Variants in MEF2A observed in about 807,000 individuals in gnomAD.
MEF2A encodes myocyte-specific enhancer factor 2A.
A neutral mutation model predicts 55.8 loss-of-function variants in MEF2A; 28 were observed. That is an observed-to-expected ratio of 0.50 (90% CI 0.37 to 0.69). MEF2A has a LOEUF of 0.69. MEF2A is among the 30% of genes least tolerant of loss of function. The pLI is 0.00. For synonymous variants in MEF2A, 239 were observed against 227.1 expected, an observed-to-expected ratio of 1.05 and a Z score of -0.47; for missense variants, 528 against 626.2, an observed-to-expected ratio of 0.84 and a Z score of 1.67.
chr15:99,645,563 C>A lies in MEF2A; in HGVS notation c.57C>A (p.Val19=). The A allele has an allele frequency of 6.2e-7, 1 of 1,609,002 alleles. No homozygotes were observed. The highest frequency in any genetic ancestry group is 8.5e-7 in the Non-Finnish European group (1 of 1,176,872). Residue 19 remains valine, a splice_region_variant and synonymous_variant, in exon 4 of 12, where the codon GTC becomes GTA. Transcript: ENST00000557942. ...TRIMDERNRQ[V]TFTKRKFGLM... ...AATATACCTTTTTTATTGTTTAGGT[C>A]ACTTTTACAAAGAGAAAGTTTGGAT... is the stretch of plus-strand genomic sequence containing the variant.
intron 1 of MEF2A, among the ~76,000 whole-genome samples, chr15:99,588,181 G>C (rs560594440): frequency 1.3e-5 from 2 of 151,762 alleles, no homozygotes; most frequent in African/African-American, 4.8e-5. Context: ...CAGTGGCACC[G>C]TCATGGCTCA....
chr15:99,705,634 C>G (rs560694466), intron 9 of MEF2A, among the ~76,000 whole-genome samples: 5 of 152,198 alleles, frequency 3.3e-5, no homozygotes, highest in Non-Finnish European at 7.3e-5. Flanking sequence ...AAACTGAGAT[C>G]AGGATCCTCA....
intron 8 of MEF2A, 137 bp from the exon 9 acceptor site, chr15:99,703,225 C>A: frequency 1.5e-6 from 1 of 677,652 alleles, no homozygotes; most frequent in Non-Finnish European, 2.6e-6. Flanking sequence ...ATATTTCTAT[C>A]TGTTGTGTAT....
intron 8 of MEF2A, among the ~76,000 whole-genome samples, chr15:99,693,533 A>C (rs1222619269): frequency 6.6e-6 from 1 of 152,236 alleles, no homozygotes; most frequent in Non-Finnish European, 1.5e-5. Context: ...AACAAAGATA[A>C]GGATTAGTAA....
At chr15:99,608,064 A>T (rs1975796606) in intron 2 of MEF2A, among the ~76,000 whole-genome samples, 1 of 152,256 alleles carries the variant, frequency 6.6e-6, no homozygotes, top group South Asian at 2.1e-4. Context: ...TAGACTGGTC[A>T]TCCAGATAAA....
intron 8 of MEF2A, 29 bp from the exon 9 acceptor site, chr15:99,703,333 C>G: frequency 6.2e-7 from 1 of 1,612,012 alleles, no homozygotes; most frequent in Non-Finnish European, 8.5e-7. Context: ...CTTAGTAACT[C>G]TCTTATCCCT....
intron 2 of MEF2A, among the ~76,000 whole-genome samples, chr15:99,623,970 C>A (rs549321261): frequency 6.6e-6 from 1 of 152,048 alleles, no homozygotes; most frequent in East Asian, 1.9e-4. Flanking sequence ...ACCAACCCGG[C>A]TAATTTTTTG....
intron 2 of MEF2A, among the ~76,000 whole-genome samples, chr15:99,625,527 G>A (rs1378653180): frequency 6.6e-6 from 1 of 152,120 alleles, no homozygotes; most frequent in African/African-American, 2.4e-5. Flanking sequence ...TAGAAGTGGT[G>A]AAAGTGGTCA....
chr15:99,690,792 G>C (rs1019252358), intron 8 of MEF2A: 1 of 393,488 alleles, frequency 2.5e-6, no homozygotes, highest in East Asian at 7.0e-5. Context: ...AGCAGAGGCT[G>C]GGAAGGGTGT....
chr15:99,601,837 G>T (rs1187137529), intron 2 of MEF2A, among the ~76,000 whole-genome samples: 7 of 128,428 alleles, frequency 5.5e-5, no homozygotes, highest in African/African-American at 1.8e-4. Flanking sequence ...GTGTGTGTGT[G>T]TGTGTGTGTG....
In MEF2A at chr15:99,712,328, A is replaced by G; in HGVS notation, c.1137-62A>G. The G allele has an allele frequency of 2.7e-6, 4 of 1,474,310 alleles. No homozygotes were observed. Among genetic ancestry groups the G allele is most frequent in the Non-Finnish European group, 3.6e-6 (4 of 1,109,822 alleles). The allele number at this position is 1,474,310 out of a possible 1,614,324, so 91.3% of individuals were successfully genotyped here. On this transcript the variant is annotated intron_variant, in intron 11 of 11. Coordinates refer to ENST00000557942, the MANE Select transcript of MEF2A (RefSeq NM_001319206.4). This position sits in a 1 kb window ranked among gnomAD's most constrained non-coding sequence, Gnocchi z 4.1. ...TTCCATCAGGCAGTGTCTCTACTGT[A>G]TCATCCCAGTTTTGCAGAGGTACTT...
intron 2 of MEF2A, among the ~76,000 whole-genome samples, chr15:99,601,435 G>A (rs1287103548): frequency 6.6e-6 from 1 of 150,944 alleles, no homozygotes; most frequent in African/African-American, 2.4e-5. Context: ...AATAGAAGTG[G>A]TGAGAACTAA....
At chr15:99,618,267 A>G (rs934079677) in intron 2 of MEF2A, among the ~76,000 whole-genome samples, 20 of 152,182 alleles carry the variant, frequency 1.3e-4, no homozygotes, top group African/African-American at 4.6e-4. Flanking sequence ...ACAATCCTAA[A>G]CTGAGGAATA....
intron 1 of MEF2A, among the ~76,000 whole-genome samples, chr15:99,589,741 T>C (rs1483288953): frequency 6.6e-6 from 1 of 152,130 alleles, no homozygotes; most frequent in Non-Finnish European, 1.5e-5. Context: ...ATTTGATCCA[T>C]GAGTTATTTA....
At chr15:99,611,862 G>C (rs537700137) in intron 2 of MEF2A, among the ~76,000 whole-genome samples, 1 of 152,308 alleles carries the variant, frequency 6.6e-6, no homozygotes, top group South Asian at 2.1e-4. Flanking sequence ...ACTGATTAAT[G>C]TTATAACCCA....
rs1477926605 is a variant in MEF2A, at chr15:99,682,754, C to CT, written c.670+7297dup. Among the ~76,000 whole-genome samples, 9 of 152,330 alleles carry CT rather than the reference C, an allele frequency of 5.9e-5. No homozygotes were observed. In the East Asian group the frequency reaches 1.7e-3, roughly 29 times the overall value. On this transcript the variant is annotated intron_variant, in intron 7 of 11. Coordinates refer to ENST00000557942, the MANE Select transcript of MEF2A (RefSeq NM_001319206.4). ...CTCATGAGTTACCATCATGTCATAT[C>CT]TATCTAAAGCACCATAGACTGCACA...
At chr15:99,697,866 C>CA (rs1258809455) in intron 8 of MEF2A, among the ~76,000 whole-genome samples, 1 of 152,086 alleles carries the variant, frequency 6.6e-6, no homozygotes, top group African/African-American at 2.4e-5. Context: ...GTGATATTGA[C>CA]AAAAGGATGG....
intron 1 of MEF2A, among the ~76,000 whole-genome samples, chr15:99,597,925 G>A (rs1353883721): frequency 6.6e-6 from 1 of 151,966 alleles, no homozygotes; most frequent in Non-Finnish European, 1.5e-5. Context: ...TTAAAATATA[G>A]CTAGCTAGTG....
chr15:99,620,565 C>T (rs181937599), intron 2 of MEF2A, among the ~76,000 whole-genome samples: 1 of 152,158 alleles, frequency 6.6e-6, no homozygotes, highest in East Asian at 1.9e-4. Context: ...ATATGCATCA[C>T]GTTTTCTTTA....
Sources: gnomAD v4.1 joint callset for allele counts (sites outside exome capture counted in the v4.1 genomes callset) on GRCh38, gnomAD v4.1.1 for gene constraint, Gnocchi (gnomAD v3.1) non-coding constraint, MANE v1.5 for transcripts, NCBI Gene and HGNC (gene_info 2026-07-23, HGNC 2026-07-21) for gene names.